Variants in GPC6 observed in about 807,000 individuals in gnomAD.
GPC6 encodes glypican-6.
Under a neutral mutation model 55.2 loss-of-function variants are expected in GPC6, and 14 were observed. That is an observed-to-expected ratio of 0.25 (90% CI 0.17 to 0.40). GPC6 has a LOEUF of 0.40. Ranked by LOEUF, GPC6 falls within the 10% of genes least tolerant of loss-of-function variation. The pLI is 1.00. For synonymous variants in GPC6, 278 were observed against 259.6 expected, an observed-to-expected ratio of 1.07 and a Z score of -0.68; for missense variants, 641 against 708.5, an observed-to-expected ratio of 0.90 and a Z score of 1.08.
At chr13:94,194,654 A>G (rs965057534) in intron 4 of GPC6, among the ~76,000 whole-genome samples, 2 of 152,212 alleles carry the variant, frequency 1.3e-5, no homozygotes, top group Admixed American at 1.3e-4. Flanking sequence ...TATTTATTGT[A>G]TACTGCTGGG....
chr13:93,667,811 A>G (rs1881207249), intron 2 of GPC6, among the ~76,000 whole-genome samples: 1 of 150,844 alleles, frequency 6.6e-6, no homozygotes, highest in Non-Finnish European at 1.5e-5. Context: ...ATTAATTCAT[A>G]GCAGAGACTG....
intron 1 of GPC6, among the ~76,000 whole-genome samples, chr13:93,445,040 A>G (rs1877948968): frequency 1.3e-5 from 2 of 152,166 alleles, no homozygotes. Flanking sequence ...AACTCTTTAT[A>G]TCATTGTCAC....
chr13:94,084,924 T>A (rs1411693725), intron 4 of GPC6, among the ~76,000 whole-genome samples: 2 of 152,090 alleles, frequency 1.3e-5, no homozygotes, highest in African/African-American at 4.8e-5. Flanking sequence ...GAGAATGGTT[T>A]GGCCCAGGTG....
intron 2 of GPC6, among the ~76,000 whole-genome samples, chr13:93,824,750 T>A (rs188496739): frequency 2.3e-4 from 35 of 152,228 alleles, no homozygotes; most frequent in Middle Eastern, 3.4e-3. Context: ...ATGTGGTTTG[T>A]GGGATCTTTC....
intron 4 of GPC6, among the ~76,000 whole-genome samples, chr13:94,252,951 T>TA (rs1200240727): frequency 2.6e-5 from 2 of 77,954 alleles, no homozygotes; most frequent in Non-Finnish European, 4.9e-5. Flanking sequence ...ACATCCAGAA[T>TA]AAAAAAGAAA....
intron 3 of GPC6, among the ~76,000 whole-genome samples, chr13:93,971,183 A>G (rs989549969): frequency 6.6e-6 from 1 of 152,216 alleles, no homozygotes; most frequent in African/African-American, 2.4e-5. Context: ...AAGCCAAGGC[A>G]CTAACTCTTT....
chr13:93,354,769 G>C (rs1485672499), intron 1 of GPC6, among the ~76,000 whole-genome samples: 1 of 152,020 alleles, frequency 6.6e-6, no homozygotes, highest in African/African-American at 2.4e-5. Flanking sequence ...TGTGAAGAAG[G>C]TTGTCCTGGC....
intron 2 of GPC6, among the ~76,000 whole-genome samples, chr13:93,799,375 C>T (rs1253758993): frequency 1.3e-5 from 2 of 152,094 alleles, no homozygotes; most frequent in Non-Finnish European, 1.5e-5. Context: ...TAATATCTAA[C>T]TTTTTCTAGT....
intron 5 of GPC6, among the ~76,000 whole-genome samples, chr13:94,294,728 A>G (rs1043285255): frequency 3.3e-5 from 5 of 152,152 alleles, no homozygotes; most frequent in African/African-American, 4.8e-5. Flanking sequence ...TTCAGATATC[A>G]GGATTAGTTT....
At chr13:93,246,824 A>T in intron 1 of GPC6, among the ~76,000 whole-genome samples, 1 of 144,428 alleles carries the variant, frequency 6.9e-6, no homozygotes, top group African/African-American at 2.5e-5. Context: ...AAAAGCCACT[A>T]TGCACACATT....
At chr13:93,433,596 C>A (rs1445266) in intron 1 of GPC6, among the ~76,000 whole-genome samples, 118,038 of 151,966 alleles carry the variant, frequency 0.78, 47,128 homozygotes, top group Non-Finnish European at 0.89. Context: ...TGGGACTACA[C>A]GTGTAGAGAA....
intron 3 of GPC6, among the ~76,000 whole-genome samples, chr13:93,846,519 T>A (rs1478648529): frequency 5.3e-5 from 8 of 152,154 alleles, no homozygotes; most frequent in African/African-American, 1.9e-4. Context: ...CATATATAAT[T>A]TGAAATTTTC....
At chr13:93,361,407 T>C (rs1303292878) in intron 1 of GPC6, among the ~76,000 whole-genome samples, 1 of 152,110 alleles carries the variant, frequency 6.6e-6, no homozygotes, top group African/African-American at 2.4e-5. Flanking sequence ...TGTATATTGC[T>C]CCATCCTGCT....
chr13:94,009,987 T>C (rs1351145703), intron 3 of GPC6, among the ~76,000 whole-genome samples: 1 of 152,168 alleles, frequency 6.6e-6, no homozygotes, highest in African/African-American at 2.4e-5. Context: ...GCTCTATAGA[T>C]TATAGTCTCC....
intron 4 of GPC6, among the ~76,000 whole-genome samples, chr13:94,269,441 G>A (rs1891922726): frequency 6.6e-6 from 1 of 152,036 alleles, no homozygotes; most frequent in Non-Finnish European, 1.5e-5. Context: ...ATTTTTCTTT[G>A]CTTTAACATT....
At position 94,354,745 on chromosome 13, in the gene GPC6, T is replaced by C. The variant is rs868241726; in HGVS notation, c.1153-27669T>C. On this transcript the variant is annotated intron_variant, in intron 6 of 8. Coordinates refer to ENST00000377047, the MANE Select transcript of GPC6 (RefSeq NM_005708.5). ...GCATTATCTGAGAAGGCTTCAGACCTGAGACTGCTCTTAAACCAAGCTGCA... is the reference window on the plus strand; with the variant it reads ...GCATTATCTGAGAAGGCTTCAGACCCGAGACTGCTCTTAAACCAAGCTGCA... 4.6e-5 allele frequency among the ~76,000 whole-genome samples: 7 copies of C among 152,248 alleles called. No homozygotes were observed. In the South Asian group the frequency reaches 1.2e-3, roughly 27 times the overall value.
intron 2 of GPC6, among the ~76,000 whole-genome samples, chr13:93,809,303 A>G (rs1886629460): frequency 6.6e-6 from 1 of 152,220 alleles, no homozygotes; most frequent in Admixed American, 6.5e-5. Flanking sequence ...ATCAGGAAGA[A>G]GAGAAGTTTA....
intron 2 of GPC6, among the ~76,000 whole-genome samples, chr13:93,678,798 G>A (rs4773754): frequency 0.55 from 83,726 of 151,960 alleles, 23,916 homozygotes; most frequent in Middle Eastern, 0.76. Context: ...TGGGAAGCTA[G>A]GAAATTTTCT....
chr13:93,989,010 C>A (rs921097102), intron 3 of GPC6, among the ~76,000 whole-genome samples: 1 of 152,070 alleles, frequency 6.6e-6, no homozygotes, highest in African/African-American at 2.4e-5. Context: ...CACATAAACC[C>A]TGTGAAGTAC....
Sources: allele counts gnomAD v4.1 joint callset (sites outside exome capture counted in the v4.1 genomes callset), GRCh38; gene constraint gnomAD v4.1.1; transcripts MANE v1.5; gene names NCBI Gene and HGNC (gene_info 2026-07-23, HGNC 2026-07-21).